DENND4B: variants seen among roughly 807,000 people sequenced by gnomAD.
DENND4B encodes DENN domain containing 4B.
Under a neutral mutation model 161.0 loss-of-function variants are expected in DENND4B, and 67 were observed. The observed-to-expected ratio is 0.42, with a 90% CI of 0.34 to 0.51. The LOEUF (loss-of-function observed/expected upper bound fraction) is 0.51. Among genes scored for constraint, DENND4B ranks in the 20% least tolerant of loss-of-function variants. DENND4B has a pLI of 0.08. For synonymous variants in DENND4B, 753 were observed against 813.8 expected, an observed-to-expected ratio of 0.93 and a Z score of 1.27; for missense variants, 1,481 against 1,968.0, an observed-to-expected ratio of 0.75 and a Z score of 4.68.
At chr1:153,943,229 G>C (rs1679776623) in intron 2 of DENND4B, 99 bp from the exon 3 acceptor site, 1 of 1,492,558 alleles carries the variant, frequency 6.7e-7, no homozygotes, top group Non-Finnish European at 9.0e-7. Flanking sequence ...AACTTGCCTT[G>C]TACCCACAGC....
rs1235518032 is a variant in DENND4B at position 153,930,824 on chromosome 1, G to A, written c.4148C>T (p.Pro1383Leu). Reference sequence around the variant, plus strand: ...TGCCAAACTAAGGGATGCAGGTACAGGGCCTGGCCATACCACCCGCTGGGG... The same window carrying A: ...TGCCAAACTAAGGGATGCAGGTACAAGGCCTGGCCATACCACCCGCTGGGG... ...QIPQRVVWPG[P>L]VPASLSLALL... Residue 1383 changes from proline to leucine, a missense_variant, in exon 26 of 28, where the codon CCT becomes CTT. This residue lies in a region of DENND4B where 336 missense variants were observed against 503.3 expected (regional missense o/e 0.67). Transcript: ENST00000361217. The surrounding 1 kb of genome is among the most constrained non-coding windows in gnomAD (Gnocchi z 4.7). 1 of 1,602,832 alleles carries A rather than the reference G, an allele frequency of 6.2e-7. No individual in the cohort carries two copies. The highest frequency in any genetic ancestry group is 8.5e-7 in the Non-Finnish European group (1 of 1,174,752).
chr1:153,941,493 C>G (rs968860305), intron 6 of DENND4B, 53 bp from the exon 7 acceptor site: 56 of 1,543,136 alleles, frequency 3.6e-5, no homozygotes, highest in Middle Eastern at 2.3e-4. Flanking sequence ...TCCCTGTCCT[C>G]CCTCCACATT....
At position 153,944,455 on chromosome 1, in the gene DENND4B, C is replaced by T; in HGVS notation, c.-23-58G>A. 1.4e-6 allele frequency: 2 copies of T among 1,462,772 alleles called. No individual in the cohort carries two copies. Among genetic ancestry groups the T allele is most frequent in the Non-Finnish European group, 1.8e-6 (2 of 1,097,688 alleles). 90.6% of individuals were successfully genotyped at this position (1,462,772 alleles called of 1,614,324 possible). A position where few individuals can be genotyped will look rare whatever the true frequency, so the allele number is the denominator to read the frequency against. The stretch of plus-strand genomic sequence containing the variant: ...AGGAAGGCTGGGGATGCCATGGCAA[C>T]CAGGGTACCCTCTTGCTCCCCTCCT... On this transcript the variant is annotated intron_variant, in intron 1 of 27. Coordinates refer to ENST00000361217, the MANE Select transcript of DENND4B (RefSeq NM_014856.3). The surrounding 1 kb of genome is among the most constrained non-coding windows in gnomAD (Gnocchi z 4.8).
chr1:153,932,712 C>T lies in DENND4B; in HGVS notation c.3689G>A (p.Gly1230Asp), dbSNP rs780841253. The change falls in exon 23 of 28, where the codon GGC (glycine) becomes GAC (aspartate). Residue 1230 changes from glycine (G) to aspartate (D), a missense_variant. Physicochemically the swap from Gly to Asp is moderately conservative, Grantham distance 94. This residue lies in a region of DENND4B where 336 missense variants were observed against 503.3 expected (regional missense o/e 0.67). Coordinates refer to ENST00000361217, the MANE Select transcript of DENND4B (RefSeq NM_014856.3). The surrounding 1 kb of genome is among the most constrained non-coding windows in gnomAD (Gnocchi z 5.8). ...GAGCCTTCGGTCACTGAGCACAGGG[C>T]CAGGACCACCAGGGACAGGAGCATC... ...SKDAPVPGGP[G>D]PVLSDRRLCL... is the part of the protein sequence containing the mutation. 6.2e-7 allele frequency: 1 copy of T among 1,614,030 alleles called. No individual in the cohort carries two copies. Among genetic ancestry groups the T allele is most frequent in the Non-Finnish European group, 8.5e-7 (1 of 1,179,886 alleles).
In DENND4B at chr1:153,939,572, A is replaced by C. The variant is rs768887098; in HGVS notation, c.1819+17T>G. The C allele has an allele frequency of 6.3e-7, 1 of 1,586,418 alleles. No homozygotes were observed. The highest frequency in any genetic ancestry group is 8.6e-7 in the Non-Finnish European group (1 of 1,160,982). ...CCTCCCATGATACATCTCCAAGCAG[A>C]GACAGGCCCTCTATACCCTGCAGGA... is the stretch of plus-strand genomic sequence containing the variant. On this transcript the variant is annotated intron_variant, in intron 12 of 27. Coordinates refer to ENST00000361217, the MANE Select transcript of DENND4B (RefSeq NM_014856.3).
rs763794061 is a variant in DENND4B, at chr1:153,937,639, T to G, written c.2106-25A>C. 4 of 1,611,598 alleles carry G rather than the reference T, an allele frequency of 2.5e-6. No homozygotes were observed. In the South Asian group the frequency reaches 4.4e-5, roughly 18 times the overall value. ...GCTGGAGGGGCAGAGAGAAGCAACATCGGGGCAGTCAGCACAGGGCGAAGC... is the reference window on the plus strand; with the variant it reads ...GCTGGAGGGGCAGAGAGAAGCAACAGCGGGGCAGTCAGCACAGGGCGAAGC... On this transcript the variant is annotated intron_variant, in intron 14 of 27. Coordinates refer to ENST00000361217, the MANE Select transcript of DENND4B (RefSeq NM_014856.3). The surrounding 1 kb of genome is among the most constrained non-coding windows in gnomAD (Gnocchi z 4.7).
intron 2 of DENND4B, 104 bp from the exon 3 acceptor site, chr1:153,943,234 C>A: frequency 1.4e-6 from 2 of 1,476,010 alleles, no homozygotes; most frequent in Non-Finnish European, 1.8e-6. Flanking sequence ...GCCTTGTACC[C>A]ACAGCCTTGT....
chr1:153,943,616 T>C lies in DENND4B; in HGVS notation c.317+442A>G, dbSNP rs542360466. 6.8e-5 allele frequency among the ~76,000 whole-genome samples: 10 copies of C among 146,254 alleles called. No homozygotes were observed. The South Asian group carries it at 1.9e-3, about 28-fold the overall frequency. On this transcript the variant is annotated intron_variant, in intron 2 of 27. Coordinates refer to ENST00000361217, the MANE Select transcript of DENND4B (RefSeq NM_014856.3). ...TTGCCTGAACCCAGGAGGCGAAGGT[T>C]GCAGTGAGCCAAGATCACACCACTG...
chr1:153,941,078 TCACCAGG>T, intron 8 of DENND4B, 30 bp from the exon 9 acceptor site: 1 of 1,552,918 alleles, frequency 6.4e-7, no homozygotes, highest in Non-Finnish European at 8.7e-7. Context: ...GGGGAAAGGG[TCACCAGG>T]ATACCCTGGG....
rs201953910 is a variant in DENND4B at position 153,944,031 on chromosome 1, G to A, written c.317+27C>T. The A allele has an allele frequency of 4.0e-6, 6 of 1,515,022 alleles. No homozygotes were observed. Among genetic ancestry groups the A allele is most frequent in the Non-Finnish European group, 5.3e-6 (6 of 1,129,522 alleles). The allele number at this position is 1,515,022 out of a possible 1,614,324, so 93.8% of individuals were successfully genotyped here. On this transcript the variant is annotated intron_variant, in intron 2 of 27. Transcript: ENST00000361217. This position sits in a 1 kb window ranked among gnomAD's most constrained non-coding sequence, Gnocchi z 4.8. ...ACTGGAGTCCCTCCCAGCCTCCCCT[G>A]GTGCCAGCATGGGTAGGGGCACACA...
Position 153,936,204 on chromosome 1 carries a change from C to T in DENND4B, c.2440-16G>A, listed in dbSNP as rs764110347. On this transcript the variant is annotated splice_polypyrimidine_tract_variant and intron_variant, in intron 16 of 27. Coordinates refer to ENST00000361217, the MANE Select transcript of DENND4B (RefSeq NM_014856.3). The surrounding 1 kb of genome is among the most constrained non-coding windows in gnomAD (Gnocchi z 4.1). ...GGTAACACACCTGGGCCAGGAGAGG[C>T]ACAGGACAATGGGAGACTCACTCTC... 3.1e-6 allele frequency: 5 copies of T among 1,597,472 alleles called. No homozygotes were observed. Among genetic ancestry groups the T allele is most frequent in the African/African-American group, 1.3e-5 (1 of 74,498 alleles).
Position 153,940,365 on chromosome 1 carries a change from C to T in DENND4B, c.1502+66G>A. ...CCTGAAGCTCTTTTTGAGCCCGTAGCACTCCACACACTAGCCCATTCCTGC... is the reference window on the plus strand; with the variant it reads ...CCTGAAGCTCTTTTTGAGCCCGTAGTACTCCACACACTAGCCCATTCCTGC... On this transcript the variant is annotated intron_variant, in intron 10 of 27. Coordinates refer to ENST00000361217, the MANE Select transcript of DENND4B (RefSeq NM_014856.3). The surrounding 1 kb of genome is among the most constrained non-coding windows in gnomAD (Gnocchi z 5.6). 1 of 1,579,284 alleles carries T rather than the reference C, an allele frequency of 6.3e-7. No homozygotes were observed. Among genetic ancestry groups the T allele is most frequent in the Non-Finnish European group, 8.6e-7 (1 of 1,160,482 alleles).
At position 153,938,717 on chromosome 1, in the gene DENND4B, A is replaced by G. The variant is rs578094289; in HGVS notation, c.1965+183T>C. 1.1e-4 allele frequency among the ~76,000 whole-genome samples: 16 copies of G among 151,700 alleles called. No homozygotes were observed. The East Asian group carries it at 2.7e-3, about 26-fold the overall frequency. On this transcript the variant is annotated intron_variant, in intron 13 of 27. Transcript: ENST00000361217. ...ACTTCGTTTCAAAAAAAAAAAATGAAAAATAAGAAAACTTAAAAAAATATT... is the reference window on the plus strand; with the variant it reads ...ACTTCGTTTCAAAAAAAAAAAATGAGAAATAAGAAAACTTAAAAAAATATT...
At chr1:153,935,583 G>A (rs1571041650) in intron 17 of DENND4B, among the ~76,000 whole-genome samples, 3 of 152,202 alleles carry the variant, frequency 2.0e-5, no homozygotes, top group South Asian at 2.1e-4. Context: ...CTGATCTCAG[G>A]TGATCTGCCT....
At chr1:153,932,000 T>C (rs1338488693) in intron 24 of DENND4B, among the ~76,000 whole-genome samples, 1 of 151,078 alleles carries the variant, frequency 6.6e-6, no homozygotes, top group Non-Finnish European at 1.5e-5. Flanking sequence ...AGAGACAGGG[T>C]TTCTCCCAGT....
chr1:153,930,925 C>G lies in DENND4B; in HGVS notation c.4114+22G>C, dbSNP rs1219636288. On this transcript the variant is annotated intron_variant, in intron 25 of 27. Coordinates refer to ENST00000361217, the MANE Select transcript of DENND4B (RefSeq NM_014856.3). The surrounding 1 kb of genome is among the most constrained non-coding windows in gnomAD (Gnocchi z 4.7). The stretch of plus-strand genomic sequence containing the variant: ...TGGGTATGGGACCCACCCTCCCCAC[C>G]CAGGCCAAATACCAGACTCACTGTG... 6.9e-6 allele frequency: 11 copies of G among 1,602,692 alleles called. No individual in the cohort carries two copies. The South Asian group carries it at 1.1e-4, about 16-fold the overall frequency.
At position 153,933,878 on chromosome 1, in the gene DENND4B, C is replaced by T; in HGVS notation, c.2942-7G>A. ...ACCCCCAAGGCCTCTATCACTGCAG[C>T]ACAGAAAAGAATGAGGGAAGATGGA... On this transcript the variant is annotated splice_region_variant and splice_polypyrimidine_tract_variant and intron_variant, in intron 19 of 27. Coordinates refer to ENST00000361217, the MANE Select transcript of DENND4B (RefSeq NM_014856.3). The surrounding 1 kb of genome is among the most constrained non-coding windows in gnomAD (Gnocchi z 5.7). 2 of 1,602,894 alleles carry T rather than the reference C, an allele frequency of 1.2e-6. No homozygotes were observed. Among genetic ancestry groups the T allele is most frequent in the Non-Finnish European group, 1.7e-6 (2 of 1,177,174 alleles).
At chr1:153,943,438 G>A (rs983442187) in intron 2 of DENND4B, among the ~76,000 whole-genome samples, 2 of 152,182 alleles carry the variant, frequency 1.3e-5, no homozygotes, top group African/African-American at 4.8e-5. Flanking sequence ...AGCACTTTGG[G>A]AGGCCAAGGC....
At position 153,943,062 on chromosome 1, in the gene DENND4B, T is replaced by C. The variant is rs1165610547; in HGVS notation, c.386A>G (p.His129Arg). The C allele has an allele frequency of 6.2e-7, 1 of 1,613,984 alleles. No homozygotes were observed. ...FQVLDTTPYS[H>R]SANLAPPGPG... ...GCCTGGAGGGGCCAGGTTTGCTGAG[T>C]GGCTGTAGGGTGTCGTGTCAAGCAC... The change falls in exon 3 of 28, where the codon CAC (histidine) becomes CGC (arginine). Residue 129 changes from histidine to arginine, a missense_variant. This residue lies in a region of DENND4B where 806 missense variants were observed against 1,134.4 expected (regional missense o/e 0.71). Coordinates refer to ENST00000361217, the MANE Select transcript of DENND4B (RefSeq NM_014856.3).
Sources: allele counts gnomAD v4.1 joint callset (sites outside exome capture counted in the v4.1 genomes callset), GRCh38; gene constraint gnomAD v4.1.1; regional missense constraint gnomAD v4.1.1; non-coding constraint Gnocchi (gnomAD v3.1); transcripts MANE v1.5; gene names NCBI Gene and HGNC (gene_info 2026-07-23, HGNC 2026-07-21).